The following ADAMTSL1 variants were observed in gnomAD, a reference collection of about 807,000 sequenced individuals.
ADAMTSL1 encodes ADAMTS like 1, also known as ADAMTS-like protein 1.
A neutral mutation model predicts 201.8 loss-of-function variants in ADAMTSL1; 126 were observed. The ratio of observed to expected loss-of-function variants is 0.62; its 90% CI spans 0.54 to 0.72. The LOEUF is 0.72. Ranked by LOEUF, ADAMTSL1 falls within the 30% of genes least tolerant of loss-of-function variation. The pLI, the probability that ADAMTSL1 is intolerant of heterozygous loss-of-function variation, is 0.00. For missense variants in ADAMTSL1, 2,679 were observed against 2,277.8 expected (o/e 1.18, Z -3.59); for synonymous variants, 1,121 against 903.4 (o/e 1.24, Z -4.32).
chr9:18,657,734 A>C lies in ADAMTSL1; in HGVS notation c.930A>C (p.Ser310=), dbSNP rs374986484. The change falls in exon 8 of 29, where the codon TCA becomes TCC. Residue 310 remains serine (S), a synonymous_variant. Coordinates refer to ENST00000380548, the MANE Select transcript of ADAMTSL1 (RefSeq NM_001040272.6). ...RWRETDFFPC[S]ATCGGGYQLT... The stretch of plus-strand genomic sequence containing the variant: ...GGGAGACGGATTTCTTTCCTTGCTC[A>C]GCAACCTGTGGAGGAGGTAATGGTG... 12 of 1,613,712 alleles carry C rather than the reference A, an allele frequency of 7.4e-6. No individual in the cohort carries two copies. Among genetic ancestry groups the C allele is most frequent in the Non-Finnish European group, 1.0e-5 (12 of 1,179,696 alleles).
intron 2 of ADAMTSL1, among the ~76,000 whole-genome samples, chr9:18,304,599 A>G (rs1833836039): frequency 6.6e-6 from 1 of 151,838 alleles, no homozygotes; most frequent in Non-Finnish European, 1.5e-5. Context: ...ACATCCAAAC[A>G]CATTTGGTAT....
intron 23 of ADAMTSL1, among the ~76,000 whole-genome samples, chr9:18,864,576 C>T (rs535265868): frequency 6.2e-4 from 95 of 152,256 alleles, no homozygotes; most frequent in African/African-American, 2.2e-3. Flanking sequence ...CTTATGCTAC[C>T]AGTATTAAAG....
chr9:18,030,819 CTT>C, intron 1 of ADAMTSL1, among the ~76,000 whole-genome samples: 1 of 152,220 alleles, frequency 6.6e-6, no homozygotes, highest in East Asian at 1.9e-4. Context: ...GGTTTGATCT[CTT>C]TACATAATCC....
intron 2 of ADAMTSL1, among the ~76,000 whole-genome samples, chr9:18,521,125 G>T (rs1199091851): frequency 1.3e-5 from 2 of 152,258 alleles, no homozygotes; most frequent in Non-Finnish European, 2.9e-5. Context: ...CCTCAAAAAA[G>T]GACAAAGACA....
At chr9:18,560,635 T>C (rs1821423304) in intron 3 of ADAMTSL1, among the ~76,000 whole-genome samples, 1 of 150,852 alleles carries the variant, frequency 6.6e-6, no homozygotes, top group Admixed American at 6.6e-5. Context: ...GGTCTGGTCC[T>C]GGGTTTTTTT....
Position 18,025,214 on chromosome 9 carries a change from G to C in ADAMTSL1, c.87+118292G>C, listed in dbSNP as rs1345507636. ...ACTTCTCCCATTTAGTAGGTTGTCTGTTTACTCTGTTGATAGTTTCTTTTG... is the reference window on the plus strand; with the variant it reads ...ACTTCTCCCATTTAGTAGGTTGTCTCTTTACTCTGTTGATAGTTTCTTTTG... On this transcript the variant is annotated intron_variant, in intron 1 of 29. Transcript: ENST00000680146. 2.0e-5 allele frequency among the ~76,000 whole-genome samples: 3 copies of C among 152,152 alleles called. No homozygotes were observed. The East Asian group carries it at 5.8e-4, about 29-fold the overall frequency.
chr9:18,071,380 T>G lies in ADAMTSL1; in HGVS notation c.88-92482T>G, dbSNP rs190527120. The stretch of plus-strand genomic sequence containing the variant: ...CTGTTCCTTATTCTATCAAGATACT[T>G]GGAACAACAGGGGTTCCTGCCTTGT... On this transcript the variant is annotated intron_variant, in intron 1 of 29. Coordinates refer to the ADAMTSL1 transcript ENST00000680146. Among the ~76,000 whole-genome samples the G allele has an allele frequency of 3.4e-3, 514 of 152,338 alleles. 10 individuals carry two copies. Among genetic ancestry groups the G allele is most frequent in the Non-Finnish European group, 1.1e-3 (78 of 68,034 alleles).
chr9:18,525,129 G>T lies in ADAMTSL1; in HGVS notation c.192-8118G>T, dbSNP rs970985141. On this transcript the variant is annotated intron_variant, in intron 2 of 28. Transcript: ENST00000380548. ...TGCCTCAATTTCAGAGCCTGTTATT[G>T]GTCTAGTCAGGGATTCAACTTCTTC... 7.2e-5 allele frequency among the ~76,000 whole-genome samples: 11 copies of T among 152,230 alleles called. No individual in the cohort carries two copies. The East Asian group carries it at 1.9e-3, about 27-fold the overall frequency.
chr9:18,254,345 G>GTTTTTTTTTTTT lies in ADAMTSL1; in HGVS notation c.207+90388_207+90399dup, dbSNP rs59026505. On this transcript the variant is annotated intron_variant, in intron 2 of 29. Coordinates refer to the ADAMTSL1 transcript ENST00000680146. ...GGAACTACCGTCAATACTCTTTTTGGTTTTTTTTTTTTTTTTTTTTTTTTT... is the reference window on the plus strand; with the variant it reads ...GGAACTACCGTCAATACTCTTTTTGGTTTTTTTTTTTTTTTTTTTTTTTTTTTTTTTTTTTTT... Among the ~76,000 whole-genome samples the GTTTTTTTTTTTT allele has an allele frequency of 6.9e-4, 34 of 49,366 alleles. 7 individuals are homozygous for GTTTTTTTTTTTT. Among genetic ancestry groups the GTTTTTTTTTTTT allele is most frequent in the South Asian group, 2.3e-3 (2 of 860 alleles). 32.4% of individuals were successfully genotyped at this position (49,366 alleles called of 152,430 possible). A position where few individuals can be genotyped will look rare whatever the true frequency, so the allele number is the denominator to read the frequency against.
intron 1 of ADAMTSL1, among the ~76,000 whole-genome samples, chr9:18,071,712 C>T (rs1428367654): frequency 4.6e-5 from 7 of 152,172 alleles, no homozygotes; most frequent in East Asian, 3.9e-4. Context: ...TGTATCAGGA[C>T]GTTTCCTCGA....
At chr9:18,652,919 A>G (rs1012460804) in intron 7 of ADAMTSL1, among the ~76,000 whole-genome samples, 2 of 152,232 alleles carry the variant, frequency 1.3e-5, no homozygotes, top group African/African-American at 2.4e-5. Flanking sequence ...ATGCTTATAA[A>G]AGGGAAAACC....
intron 1 of ADAMTSL1, among the ~76,000 whole-genome samples, chr9:18,009,019 T>A (rs1001485092): frequency 6.6e-6 from 1 of 151,960 alleles, no homozygotes; most frequent in Non-Finnish European, 1.5e-5. Flanking sequence ...ACGAGCTCCA[T>A]GTCTCTTGCT....
chr9:18,764,725 T>A (rs1820263206), intron 16 of ADAMTSL1, among the ~76,000 whole-genome samples: 1 of 152,252 alleles, frequency 6.6e-6, no homozygotes, highest in African/African-American at 2.4e-5. Context: ...GAAAGCTCCA[T>A]GCAGATCAAA....
At chr9:18,588,898 T>C (rs370975427) in intron 4 of ADAMTSL1, among the ~76,000 whole-genome samples, 2 of 136,272 alleles carry the variant, frequency 1.5e-5, no homozygotes, top group Admixed American at 7.5e-5. Flanking sequence ...TATATATATA[T>C]ATATACATAT....
chr9:18,159,937 T>G (rs950185985), intron 1 of ADAMTSL1, among the ~76,000 whole-genome samples: 1 of 152,060 alleles, frequency 6.6e-6, no homozygotes, highest in African/African-American at 2.4e-5. Flanking sequence ...TACCTTTACC[T>G]CATTTTCCCT....
intron 4 of ADAMTSL1, among the ~76,000 whole-genome samples, chr9:18,593,188 C>T (rs1436233008): frequency 6.6e-6 from 1 of 151,936 alleles, no homozygotes. Context: ...TCTTTCTTTC[C>T]AATTTGGAAA....
chr9:18,765,188 A>G (rs1026324739), intron 16 of ADAMTSL1, among the ~76,000 whole-genome samples: 3 of 152,220 alleles, frequency 2.0e-5, no homozygotes, highest in African/African-American at 7.2e-5. Context: ...TGTGCTTCAT[A>G]AAAATATTTA....
chr9:18,565,454 G>A (rs1378996236), intron 3 of ADAMTSL1, among the ~76,000 whole-genome samples: 7 of 151,124 alleles, frequency 4.6e-5, no homozygotes, highest in Non-Finnish European at 8.8e-5. Flanking sequence ...TGGGGGAAAA[G>A]TAAAAGAAAT....
chr9:18,672,938 T>C (rs1829914159), intron 9 of ADAMTSL1, among the ~76,000 whole-genome samples: 2 of 152,340 alleles, frequency 1.3e-5, no homozygotes, highest in South Asian at 2.1e-4. Flanking sequence ...GATGGAGTCA[T>C]GTTACTGCCC....
Sources: gnomAD v4.1 joint callset for allele counts (sites outside exome capture counted in the v4.1 genomes callset) on GRCh38, gnomAD v4.1.1 for gene constraint, MANE v1.5 for transcripts, NCBI Gene and HGNC (gene_info 2026-07-23, HGNC 2026-07-21) for gene names.